Variants in CMTM8 observed in about 807,000 individuals in gnomAD.
CMTM8 encodes the protein CKLF like MARVEL transmembrane domain containing 8.
In CMTM8, 12 loss-of-function variants were observed where a neutral mutation model predicts 18.6. That is an observed-to-expected ratio of 0.65 (90% CI 0.41 to 1.05). The LOEUF is 1.05. CMTM8 is among the 50% of genes least tolerant of loss of function. The probability of loss-of-function intolerance (pLI) is 0.00; values close to 1 mark genes in which losing one functional copy is unlikely to be tolerated. For synonymous variants in CMTM8, 87 were observed against 90.6 expected (o/e 0.96, Z 0.23); for missense variants, 217 against 227.2 (o/e 0.95, Z 0.29).
intron 1 of CMTM8, among the ~76,000 whole-genome samples, chr3:32,315,537 A>G (rs1397253144): frequency 2.6e-5 from 4 of 152,240 alleles, no homozygotes; most frequent in Non-Finnish European, 5.9e-5. Flanking sequence ...CCAGGTGCTC[A>G]GCGAAGGCAC....
At chr3:32,314,315 G>T (rs1695878849) in intron 1 of CMTM8, among the ~76,000 whole-genome samples, 1 of 152,076 alleles carries the variant, frequency 6.6e-6, no homozygotes, top group African/African-American at 2.4e-5. Flanking sequence ...GGTACCAGAG[G>T]ATTTGCTGAG....
chr3:32,324,380 T>C (rs913036802), intron 1 of CMTM8, among the ~76,000 whole-genome samples: 1 of 152,206 alleles, frequency 6.6e-6, no homozygotes, highest in African/African-American at 2.4e-5. Flanking sequence ...CCTGGGCCTT[T>C]CCTTCCAAAA....
chr3:32,239,271 ACT>A (rs1701913779), intron 1 of CMTM8, 152 bp downstream of exon 1: 1 of 830,554 alleles, frequency 1.2e-6, no homozygotes, highest in Admixed American at 3.1e-5. Context: ...AAAGTGAAAG[ACT>A]CTAAACAAGG....
intron 1 of CMTM8, among the ~76,000 whole-genome samples, chr3:32,313,129 C>G (rs1321033479): frequency 6.6e-6 from 1 of 152,048 alleles, no homozygotes; most frequent in Non-Finnish European, 1.5e-5. Context: ...CATTATTCTG[C>G]CTAGCACTGA....
At chr3:32,319,411 T>C (rs1181654004) in intron 1 of CMTM8, among the ~76,000 whole-genome samples, 2 of 151,280 alleles carry the variant, frequency 1.3e-5, no homozygotes. Flanking sequence ...AAGCTTAACT[T>C]CTCTCCTCCT....
At chr3:32,343,353 G>A (rs150108356) in intron 1 of CMTM8, among the ~76,000 whole-genome samples, 52 of 152,326 alleles carry the variant, frequency 3.4e-4, no homozygotes, top group African/African-American at 1.1e-3. Context: ...GGAGACTGCT[G>A]TCTGATGCCA....
chr3:32,263,863 A>G (rs555660462), intron 1 of CMTM8, among the ~76,000 whole-genome samples: 2 of 152,256 alleles, frequency 1.3e-5, no homozygotes, highest in Non-Finnish European at 2.9e-5. Flanking sequence ...ATGGAAGATC[A>G]AATGAATGAA....
chr3:32,364,412 G>A (rs936066854), intron 2 of CMTM8, among the ~76,000 whole-genome samples: 3 of 152,122 alleles, frequency 2.0e-5, no homozygotes, highest in Admixed American at 1.3e-4. Context: ...GCTGAGGCAC[G>A]AGAATCGCTT....
intron 1 of CMTM8, among the ~76,000 whole-genome samples, chr3:32,261,262 A>T (rs547748512): frequency 6.6e-6 from 1 of 152,318 alleles, no homozygotes; most frequent in Non-Finnish European, 1.5e-5. Context: ...TTGTCATAAA[A>T]ATGTGTTAAA....
chr3:32,305,848 A>T (rs1213919798), intron 1 of CMTM8, among the ~76,000 whole-genome samples: 1 of 152,234 alleles, frequency 6.6e-6, no homozygotes, highest in Non-Finnish European at 1.5e-5. Context: ...GCATGTTTTT[A>T]AAAAATAAAA....
rs1288262857 is a variant in CMTM8 at position 32,358,194 on chromosome 3, T to C, written c.321+648T>C. On this transcript the variant is annotated intron_variant, in intron 2 of 3. Transcript: ENST00000307526. The surrounding 1 kb of genome is among the most constrained non-coding windows in gnomAD (Gnocchi z 4.1). ...TGGCATACACTGCAGTGAAGCTGTG[T>C]AGAAAGTGTGATGGAGGCTGCCACC... is the stretch of plus-strand genomic sequence containing the variant. Among the ~76,000 whole-genome samples, 1 of 152,084 alleles carries C rather than the reference T, an allele frequency of 6.6e-6. No homozygotes were observed. Among genetic ancestry groups the C allele is most frequent in the Non-Finnish European group, 1.5e-5 (1 of 68,012 alleles).
intron 1 of CMTM8, among the ~76,000 whole-genome samples, chr3:32,325,407 G>T (rs1449045029): frequency 1.3e-5 from 2 of 152,240 alleles, no homozygotes; most frequent in African/African-American, 4.8e-5. Context: ...GCTGAGCCAT[G>T]AATAATCACT....
intron 1 of CMTM8, among the ~76,000 whole-genome samples, chr3:32,353,640 G>A (rs1221524404): frequency 2.6e-5 from 4 of 152,176 alleles, no homozygotes; most frequent in Non-Finnish European, 5.9e-5. Flanking sequence ...GGAAGAAAGA[G>A]AAAGATGTGC....
intron 1 of CMTM8, among the ~76,000 whole-genome samples, chr3:32,277,723 C>T (rs1212502646): frequency 1.3e-5 from 2 of 152,164 alleles, no homozygotes; most frequent in Non-Finnish European, 2.9e-5. Flanking sequence ...TTGGCCTATA[C>T]AGTGTTGAAA....
chr3:32,347,282 G>T (rs77930074), intron 1 of CMTM8, among the ~76,000 whole-genome samples: 10,650 of 133,440 alleles, frequency 0.08, 495 homozygotes, highest in East Asian at 0.18. Context: ...TTGGTTTTTG[G>T]TTTTTTTTGC....
At chr3:32,239,199 G>T in intron 1 of CMTM8, 80 bp downstream of exon 1, 3 of 1,476,804 alleles carry the variant, frequency 2.0e-6, no homozygotes, top group South Asian at 2.5e-5. Context: ...TCGGGATGGA[G>T]CCTGCTCAGA....
intron 1 of CMTM8, among the ~76,000 whole-genome samples, chr3:32,251,475 C>T (rs549123305): frequency 3.0e-4 from 38 of 127,782 alleles, no homozygotes; most frequent in African/African-American, 1.1e-3. Context: ...CACCACACCC[C>T]GCTAATTTTT....
At chr3:32,327,911 A>G (rs1289943377) in intron 1 of CMTM8, among the ~76,000 whole-genome samples, 1 of 152,226 alleles carries the variant, frequency 6.6e-6, no homozygotes, top group Non-Finnish European at 1.5e-5. Flanking sequence ...GATTTTTGCA[A>G]TCAAGAAAGC....
At chr3:32,357,117 G>T (rs954857994) in intron 1 of CMTM8, among the ~76,000 whole-genome samples, 1 of 152,064 alleles carries the variant, frequency 6.6e-6, no homozygotes, top group South Asian at 2.1e-4. Context: ...GGTGCTGCAC[G>T]CCTGTAATCC....
Sources: allele counts gnomAD v4.1 joint callset (sites outside exome capture counted in the v4.1 genomes callset), GRCh38; gene constraint gnomAD v4.1.1; non-coding constraint Gnocchi (gnomAD v3.1); transcripts MANE v1.5; gene names NCBI Gene and HGNC (gene_info 2026-07-23, HGNC 2026-07-21).